Variants in DTWD2 observed in about 807,000 individuals in gnomAD.
DTWD2 encodes the protein DTW motif tRNA-uridine aminocarboxypropyltransferase 2.
DTWD2 carries 39 observed loss-of-function variants against 31.8 expected under a neutral mutation model. That is an observed-to-expected ratio of 1.22 (90% CI 0.95 to 1.60). The LOEUF (loss-of-function observed/expected upper bound fraction) is 1.60, where lower values mean the gene tolerates loss of function less well. Among genes scored for constraint, DTWD2 ranks in the 40% most tolerant of loss-of-function variants. The pLI is 0.00. For missense variants in DTWD2, 515 were observed against 381.5 expected (o/e 1.35, Z -2.92); for synonymous variants, 180 against 142.8 (o/e 1.26, Z -1.86).
intron 3 of DTWD2, among the ~76,000 whole-genome samples, chr5:118,930,875 C>A (rs1036512920): frequency 6.6e-6 from 1 of 151,920 alleles, no homozygotes; most frequent in African/African-American, 2.4e-5. Flanking sequence ...TTGGAGAGGA[C>A]GGAGGGCATA....
intron 1 of DTWD2, among the ~76,000 whole-genome samples, chr5:118,956,694 T>C (rs540705438): frequency 2.2e-4 from 33 of 152,336 alleles, no homozygotes; most frequent in Middle Eastern, 3.4e-3. Context: ...GATTTACAAG[T>C]ACTCTTTTTA....
intron 1 of DTWD2, among the ~76,000 whole-genome samples, chr5:118,959,832 CA>C (rs1754668445): frequency 6.6e-6 from 1 of 152,118 alleles, no homozygotes; most frequent in Non-Finnish European, 1.5e-5. Flanking sequence ...CTGACAAAAA[CA>C]AGCAATGGAG....
At chr5:118,976,824 T>A (rs1755172780) in intron 1 of DTWD2, among the ~76,000 whole-genome samples, 2 of 152,210 alleles carry the variant, frequency 1.3e-5, no homozygotes, top group African/African-American at 4.8e-5. Context: ...GACTCCTCCC[T>A]AACTCATTTT....
intron 4 of DTWD2, among the ~76,000 whole-genome samples, chr5:118,849,581 GT>G (rs1364974284): frequency 6.6e-6 from 1 of 152,178 alleles, no homozygotes; most frequent in African/African-American, 2.4e-5. Context: ...GCACACATAT[GT>G]TTATTGCAGC....
chr5:118,950,956 A>T (rs142711195), intron 1 of DTWD2, among the ~76,000 whole-genome samples: 2,981 of 152,242 alleles, frequency 0.02, 86 homozygotes, highest in African/African-American at 0.068. Context: ...TATTGAGAAT[A>T]AGACGGCCTT....
Position 118,861,214 on chromosome 5 carries a change from T to C in DTWD2, c.598-12996A>G, listed in dbSNP as rs1752252424. Among the ~76,000 whole-genome samples the C allele has an allele frequency of 2.6e-5, 4 of 152,358 alleles. No individual in the cohort carries two copies. In the South Asian group the frequency reaches 8.3e-4, roughly 32 times the overall value. On this transcript the variant is annotated intron_variant, in intron 4 of 5. Coordinates refer to ENST00000510708, the MANE Select transcript of DTWD2 (RefSeq NM_173666.4). ...CAGACATTGTGCAATGCAGTTTTTA[T>C]TGGTGGGTTCACCTGGAAGTTACTT...
chr5:118,845,619 C>A, intron 5 of DTWD2, among the ~76,000 whole-genome samples: 1 of 152,120 alleles, frequency 6.6e-6, no homozygotes, highest in East Asian at 1.9e-4. Context: ...CTACTCCTGG[C>A]CACTGCAGTA....
At chr5:118,931,861 A>C (rs1753931258) in intron 3 of DTWD2, among the ~76,000 whole-genome samples, 1 of 152,228 alleles carries the variant, frequency 6.6e-6, no homozygotes, top group Non-Finnish European at 1.5e-5. Context: ...TGACAAATTT[A>C]AAATAGAAAT....
chr5:118,896,183 C>G (rs1753080681), intron 4 of DTWD2, among the ~76,000 whole-genome samples: 1 of 152,034 alleles, frequency 6.6e-6, no homozygotes, highest in Admixed American at 6.6e-5. Context: ...AAAGGCGGCT[C>G]CAAGGGCTCT....
At chr5:118,847,991 T>G in intron 5 of DTWD2, 99 bp downstream of exon 5, 1 of 1,284,894 alleles carries the variant, frequency 7.8e-7, no homozygotes. Context: ...AGATTCTACT[T>G]GTCACATGAG....
chr5:118,927,350 C>T (rs1753830779), intron 4 of DTWD2, among the ~76,000 whole-genome samples: 1 of 151,388 alleles, frequency 6.6e-6, no homozygotes, highest in Non-Finnish European at 1.5e-5. Flanking sequence ...GAAAATAAGC[C>T]CAAAAAGATG....
chr5:118,877,118 C>T (rs1752637737), intron 4 of DTWD2, among the ~76,000 whole-genome samples: 1 of 152,164 alleles, frequency 6.6e-6, no homozygotes, highest in African/African-American at 2.4e-5. Context: ...GGCAAATATA[C>T]TCCTTATCTC....
Position 118,844,500 on chromosome 5 carries a change from T to G in DTWD2, c.727-3413A>C, listed in dbSNP as rs537444421. ...GAGAGGAAAAGAGGGGCAAGAGGAT[T>G]AACTCTTTTTGAGTGCCTGTGTTGA... is the stretch of plus-strand genomic sequence containing the variant. On this transcript the variant is annotated intron_variant, in intron 5 of 5. Coordinates refer to ENST00000510708, the MANE Select transcript of DTWD2 (RefSeq NM_173666.4). 6.6e-5 allele frequency among the ~76,000 whole-genome samples: 10 copies of G among 152,322 alleles called. No homozygotes were observed. The South Asian group carries it at 2.1e-3, about 32-fold the overall frequency.
chr5:118,930,541 GA>G (rs1416860141), intron 3 of DTWD2, among the ~76,000 whole-genome samples: 2 of 149,842 alleles, frequency 1.3e-5, no homozygotes, highest in Non-Finnish European at 3.0e-5. Flanking sequence ...AAAACCAGAG[GA>G]AAAAAAAAGA....
intron 1 of DTWD2, among the ~76,000 whole-genome samples, chr5:118,972,713 C>G (rs559401312): frequency 1.3e-5 from 2 of 152,138 alleles, no homozygotes; most frequent in Non-Finnish European, 2.9e-5. Flanking sequence ...AACATCAACA[C>G]AAAAATCCTC....
At chr5:118,946,001 G>C (rs1450771497) in intron 1 of DTWD2, among the ~76,000 whole-genome samples, 1 of 152,140 alleles carries the variant, frequency 6.6e-6, no homozygotes, top group Non-Finnish European at 1.5e-5. Context: ...TTTAGACTGA[G>C]ATTAAGAAAT....
At chr5:118,927,074 G>A (rs1753825109) in intron 4 of DTWD2, among the ~76,000 whole-genome samples, 1 of 152,200 alleles carries the variant, frequency 6.6e-6, no homozygotes, top group Admixed American at 6.5e-5. Context: ...CAGAGAAAGA[G>A]AGAGAGAGAG....
chr5:118,985,513 TATATAC>T (rs200603163), intron 1 of DTWD2, among the ~76,000 whole-genome samples: 3,148 of 129,308 alleles, frequency 0.024, 116 homozygotes, highest in African/African-American at 0.083. Context: ...TATATATATA[TATATAC>T]ACACACATAT....
intron 1 of DTWD2, among the ~76,000 whole-genome samples, chr5:118,958,263 G>A (rs1754631709): frequency 6.6e-6 from 1 of 152,054 alleles, no homozygotes; most frequent in South Asian, 2.1e-4. Flanking sequence ...GACCATCCTG[G>A]CTAACACAGT....
Sources: gnomAD v4.1 joint callset for allele counts (sites outside exome capture counted in the v4.1 genomes callset) on GRCh38, gnomAD v4.1.1 for gene constraint, MANE v1.5 for transcripts, NCBI Gene and HGNC (gene_info 2026-07-23, HGNC 2026-07-21) for gene names.